CTDSPL: variants seen among roughly 807,000 people sequenced by gnomAD.
CTDSPL encodes CTD small phosphatase-like protein.
Under a neutral mutation model 30.5 loss-of-function variants are expected in CTDSPL, and 8 were observed. That is an observed-to-expected ratio of 0.26 (90% CI 0.15 to 0.47). CTDSPL has a LOEUF of 0.47. Ranked by LOEUF, CTDSPL falls within the 20% of genes least tolerant of loss-of-function variation. CTDSPL has a pLI of 0.99. For missense variants in CTDSPL, 248 were observed against 366.1 expected, an observed-to-expected ratio of 0.68 and a Z score of 2.63; for synonymous variants, 110 against 137.9, an observed-to-expected ratio of 0.80 and a Z score of 1.42.
At chr3:37,962,770 A>G (rs768930323) in intron 3 of CTDSPL, among the ~76,000 whole-genome samples, 11 of 152,248 alleles carry the variant, frequency 7.2e-5, no homozygotes, top group Admixed American at 6.5e-5. Context: ...AGGGAGACAT[A>G]GAAAAGAGAA....
intron 1 of CTDSPL, among the ~76,000 whole-genome samples, chr3:37,875,803 A>C (rs762124669): frequency 1.3e-5 from 2 of 152,254 alleles, no homozygotes; most frequent in Non-Finnish European, 2.9e-5. Flanking sequence ...TATACATTTC[A>C]TAGCAATCGT....
rs781095938 is a variant in CTDSPL, at chr3:37,984,392, G to A, written c.*3525G>A. ...GAAATGCTACATGCGGAATGTGCAC[G>A]TTTCCAGGGGCGAGTATTGTCAATC... On this transcript the variant is annotated 3_prime_UTR_variant, in exon 8 of 8. Coordinates refer to ENST00000273179, the MANE Select transcript of CTDSPL (RefSeq NM_001008392.2). 1.2e-4 allele frequency: 53 copies of A among 438,046 alleles called. No homozygotes were observed. The highest frequency in any genetic ancestry group is 2.2e-4 in the Non-Finnish European group (47 of 213,482). 27.1% of individuals were successfully genotyped at this position (438,046 alleles called of 1,614,324 possible).
intron 1 of CTDSPL, among the ~76,000 whole-genome samples, chr3:37,870,844 G>A (rs1698063752): frequency 6.6e-6 from 1 of 152,090 alleles, no homozygotes; most frequent in Admixed American, 6.5e-5. Flanking sequence ...TGAGCAGAAA[G>A]CACAGAGAAT....
At chr3:37,940,808 C>A (rs1698969513) in intron 1 of CTDSPL, among the ~76,000 whole-genome samples, 1 of 150,148 alleles carries the variant, frequency 6.7e-6, no homozygotes, top group Admixed American at 6.7e-5. Flanking sequence ...TGGATTCTGG[C>A]AGGCAAAAAA....
chr3:37,888,334 A>G (rs968193400), intron 1 of CTDSPL, among the ~76,000 whole-genome samples: 7 of 152,224 alleles, frequency 4.6e-5, no homozygotes, highest in Non-Finnish European at 1.5e-5. Flanking sequence ...ATTTGTCTCT[A>G]GAATTTATAT....
intron 1 of CTDSPL, among the ~76,000 whole-genome samples, chr3:37,888,227 C>T (rs1188993367): frequency 6.6e-6 from 1 of 152,136 alleles, no homozygotes; most frequent in Non-Finnish European, 1.5e-5. Context: ...GAAAGTTTGC[C>T]TTATATTTGT....
chr3:37,967,720 T>C (rs1054504765), intron 4 of CTDSPL, 106 bp from the exon 5 acceptor site: 4 of 750,978 alleles, frequency 5.3e-6, no homozygotes, highest in Non-Finnish European at 8.7e-6. Context: ...TGAACTGTTT[T>C]TTCCAATAAC....
chr3:37,957,070 T>C (rs1699182553), intron 2 of CTDSPL, 41 bp from the exon 3 acceptor site: 1 of 1,557,766 alleles, frequency 6.4e-7, no homozygotes, highest in Non-Finnish European at 8.8e-7. Context: ...TATGATCTTC[T>C]CTTCGAACCT....
chr3:37,905,016 C>T (rs1698497640), intron 1 of CTDSPL, among the ~76,000 whole-genome samples: 1 of 152,156 alleles, frequency 6.6e-6, no homozygotes, highest in Non-Finnish European at 1.5e-5. Context: ...GTGATTTGAC[C>T]CCCCGCTGCC....
Position 37,973,006 on chromosome 3 carries a change from G to A in CTDSPL, c.519+1507G>A, listed in dbSNP as rs1445439897. Among the ~76,000 whole-genome samples the A allele has an allele frequency of 2.0e-5, 3 of 152,220 alleles. No individual in the cohort carries two copies. The East Asian group carries it at 5.8e-4, about 29-fold the overall frequency. On this transcript the variant is annotated intron_variant, in intron 6 of 7. Transcript: ENST00000273179. Reference sequence around the variant, plus strand: ...GCATGTTCCACTGCTTTGCTGGCCTGGCCATTGCTGGTTGGGTCCATCTCT... The same window carrying A: ...GCATGTTCCACTGCTTTGCTGGCCTAGCCATTGCTGGTTGGGTCCATCTCT...
At chr3:37,960,001 C>T (rs929658632) in intron 3 of CTDSPL, among the ~76,000 whole-genome samples, 7 of 152,088 alleles carry the variant, frequency 4.6e-5, no homozygotes, top group South Asian at 4.1e-4. Flanking sequence ...CTCAGAAGTT[C>T]GCGACCAGCC....
chr3:37,895,189 G>A (rs929467869), intron 1 of CTDSPL, among the ~76,000 whole-genome samples: 1 of 152,180 alleles, frequency 6.6e-6, no homozygotes, highest in Non-Finnish European at 1.5e-5. Flanking sequence ...TCCGGGAAGT[G>A]AGGGGTCGTT....
intron 1 of CTDSPL, among the ~76,000 whole-genome samples, chr3:37,933,573 G>GA (rs925257302): frequency 5.6e-4 from 86 of 152,328 alleles, no homozygotes; most frequent in Middle Eastern, 3.4e-3. Context: ...CAGAGATTGA[G>GA]AGCACAGACC....
intron 1 of CTDSPL, among the ~76,000 whole-genome samples, chr3:37,927,939 A>G (rs1283093015): frequency 6.6e-6 from 1 of 152,036 alleles, no homozygotes; most frequent in Non-Finnish European, 1.5e-5. Flanking sequence ...GGAATCATAC[A>G]GTATTTGTTC....
intron 1 of CTDSPL, chr3:37,944,706 T>C (rs1699015470): frequency 6.6e-6 from 1 of 150,384 alleles, no homozygotes; most frequent in Middle Eastern, 3.3e-3. Context: ...GCCCTAGAAC[T>C]AACCTTATTT....
At chr3:37,937,150 G>A (rs1018925034) in intron 1 of CTDSPL, among the ~76,000 whole-genome samples, 1 of 150,416 alleles carries the variant, frequency 6.6e-6, no homozygotes, top group African/African-American at 2.4e-5. Flanking sequence ...CAGCCAAGGA[G>A]TAGGATGGGA....
chr3:37,894,638 A>T (rs1698371344), intron 1 of CTDSPL, among the ~76,000 whole-genome samples: 1 of 152,256 alleles, frequency 6.6e-6, no homozygotes, highest in South Asian at 2.1e-4. Flanking sequence ...TTAAAAAAAT[A>T]TGTTTTTTCT....
Position 37,911,919 on chromosome 3 carries a change from G to A in CTDSPL, c.80-35138G>A, listed in dbSNP as rs1320913261. The A allele has an allele frequency of 1.8e-5, 5 of 275,692 alleles. No individual in the cohort carries two copies. The East Asian group carries it at 5.1e-4, about 28-fold the overall frequency. The allele number at this position is 275,692 out of a possible 1,614,324, so 17.1% of individuals were successfully genotyped here. The stretch of plus-strand genomic sequence containing the variant: ...ACTAAAATACAAAAATGTATTAGCT[G>A]GGCGTGGTGGCGGGCGCCTGCAGTC... On this transcript the variant is annotated intron_variant, in intron 1 of 7. Coordinates refer to ENST00000273179, the MANE Select transcript of CTDSPL (RefSeq NM_001008392.2).
chr3:37,971,087 T>C (rs1699361977), intron 5 of CTDSPL, among the ~76,000 whole-genome samples: 1 of 152,210 alleles, frequency 6.6e-6, no homozygotes, highest in African/African-American at 2.4e-5. Flanking sequence ...GTGAAATGAA[T>C]GAGTCATTAC....
Sources: gnomAD v4.1 joint callset for allele counts (sites outside exome capture counted in the v4.1 genomes callset) on GRCh38, gnomAD v4.1.1 for gene constraint, MANE v1.5 for transcripts, NCBI Gene and HGNC (gene_info 2026-07-23, HGNC 2026-07-21) for gene names.